The following ZFHX3 variants were observed in gnomAD, a reference collection of about 807,000 sequenced individuals.
The protein encoded by ZFHX3 is zinc finger homeobox 3.
Under a neutral mutation model 279.1 loss-of-function variants are expected in ZFHX3, and 42 were observed. The ratio of observed to expected loss-of-function variants is 0.15; its 90% CI spans 0.12 to 0.19. ZFHX3 has a LOEUF of 0.19. Ranked by LOEUF, ZFHX3 falls within the 10% of genes least tolerant of loss-of-function variation. The pLI, the probability that ZFHX3 is intolerant of heterozygous loss-of-function variation, is 1.00. For missense variants in ZFHX3, 4,981 were observed against 4,754.0 expected (o/e 1.05, Z -1.40); for synonymous variants, 2,293 against 1,957.8 (o/e 1.17, Z -4.52).
intron 1 of ZFHX3, among the ~76,000 whole-genome samples, chr16:73,872,688 A>G (rs916306563): frequency 3.5e-5 from 5 of 141,356 alleles, no homozygotes; most frequent in Non-Finnish European, 6.1e-5. Flanking sequence ...GCTTCCATAA[A>G]CAAGGTTAAT....
At position 73,611,487 on chromosome 16, in the gene ZFHX3, T is replaced by C. The variant is rs186011972; in HGVS notation, c.-1547+68693A>G. On this transcript the variant is annotated intron_variant, in intron 2 of 17. Transcript: ENST00000641206. ...CATCTTTTCCACAGAAAATATAAATTTGCTGGAAAAATATTACATAAAATA... is the reference window on the plus strand; with the variant it reads ...CATCTTTTCCACAGAAAATATAAATCTGCTGGAAAAATATTACATAAAATA... Among the ~76,000 whole-genome samples the C allele has an allele frequency of 2.0e-5, 3 of 152,306 alleles. No homozygotes were observed. The East Asian group carries it at 5.8e-4, about 29-fold the overall frequency.
chr16:73,327,854 T>C (rs2143216747), intron 3 of ZFHX3, among the ~76,000 whole-genome samples: 1 of 152,326 alleles, frequency 6.6e-6, no homozygotes, highest in Non-Finnish European at 1.5e-5. Flanking sequence ...CAGGGGACTC[T>C]GAGGACCTTG....
intron 2 of ZFHX3, among the ~76,000 whole-genome samples, chr16:73,620,147 T>G (rs1332470495): frequency 1.3e-5 from 2 of 152,298 alleles, no homozygotes; most frequent in East Asian, 3.9e-4. Context: ...AAGCTACCTT[T>G]TCAGTCCCAG....
At chr16:72,951,264 C>T (rs1960984528) in intron 2 of ZFHX3, among the ~76,000 whole-genome samples, 1 of 147,644 alleles carries the variant, frequency 6.8e-6, no homozygotes, top group African/African-American at 2.5e-5. Context: ...ATTTCCTTTT[C>T]TTTTTTTTTT....
intron 2 of ZFHX3, among the ~76,000 whole-genome samples, chr16:73,585,512 G>C (rs554368514): frequency 1.3e-5 from 2 of 152,074 alleles, no homozygotes; most frequent in Admixed American, 6.6e-5. Flanking sequence ...TAATACCTTG[G>C]TGATGGGTTG....
rs2035484734 is a variant in ZFHX3, at chr16:72,787,733, C to CGCT, written c.10542_10543insAGC (p.Gly3514_Gly3515insSer). On this transcript the variant is annotated inframe_insertion, in exon 10 of 10. Coordinates refer to ENST00000268489, the MANE Select transcript of ZFHX3 (RefSeq NM_006885.4). Reference sequence around the variant, plus strand: ...CCGCCGCCGCCACCGCCGCCGCCGCCGCCACTGCCACCGCCGCCGCCGCCG... The same window carrying CGCT: ...CCGCCGCCGCCACCGCCGCCGCCGCCGCTGCCACTGCCACCGCCGCCGCCGCCG... 1.4e-6 allele frequency: 2 copies of CGCT among 1,398,754 alleles called. No homozygotes were observed. The highest frequency in any genetic ancestry group is 5.6e-5 in the East Asian group (2 of 35,984). The allele number at this position is 1,398,754 out of a possible 1,614,324, so 86.6% of individuals were successfully genotyped here.
At chr16:73,696,047 A>T (rs547319991) in intron 1 of ZFHX3, among the ~76,000 whole-genome samples, 4 of 152,308 alleles carry the variant, frequency 2.6e-5, no homozygotes, top group African/African-American at 7.2e-5. Context: ...GCTCAAACCC[A>T]CTGGGGACTC....
intron 2 of ZFHX3, among the ~76,000 whole-genome samples, chr16:73,480,034 C>T (rs2018837041): frequency 6.6e-6 from 1 of 152,182 alleles, no homozygotes; most frequent in African/African-American, 2.4e-5. Flanking sequence ...CTCTGAACCT[C>T]ACTACTTTCA....
intron 1 of ZFHX3, among the ~76,000 whole-genome samples, chr16:73,801,061 TAC>T (rs1960132332): frequency 1.3e-5 from 2 of 152,224 alleles, no homozygotes; most frequent in South Asian, 4.1e-4. Flanking sequence ...AAATGAATGC[TAC>T]CACTTAGATT....
intron 5 of ZFHX3, among the ~76,000 whole-genome samples, chr16:73,180,654 G>A (rs955097494): frequency 6.6e-5 from 10 of 151,948 alleles, no homozygotes; most frequent in African/African-American, 2.4e-4. Flanking sequence ...CTTGCTTACT[G>A]TCATTCTGCT....
chr16:72,920,475 T>A (rs2039556216), intron 3 of ZFHX3, among the ~76,000 whole-genome samples: 1 of 150,706 alleles, frequency 6.6e-6, no homozygotes, highest in Admixed American at 6.6e-5. Flanking sequence ...AGGTCAGAAG[T>A]TCGAGACCAG....
At chr16:72,922,312 C>G (rs2039605137) in intron 3 of ZFHX3, among the ~76,000 whole-genome samples, 1 of 152,124 alleles carries the variant, frequency 6.6e-6, no homozygotes, top group African/African-American at 2.4e-5. Context: ...ACCCTCCATC[C>G]TCTCCTAACC....
rs1281668330 is a variant in ZFHX3, at chr16:72,785,360, T to C, written c.*1804A>G. 1 of 152,676 alleles carries C rather than the reference T, an allele frequency of 6.5e-6. No homozygotes were observed. 9.5% of individuals were successfully genotyped at this position (152,676 alleles called of 1,614,324 possible). On this transcript the variant is annotated 3_prime_UTR_variant, in exon 10 of 10. Coordinates refer to ENST00000268489, the MANE Select transcript of ZFHX3 (RefSeq NM_006885.4). ...ATCTGCTGCTTTGTTGGCTGCGCTC[T>C]GGATCACTCGCTGCTCAGACTGCCT... is the stretch of plus-strand genomic sequence containing the variant.
chr16:73,716,635 ACACACACACACACACGCATGCACG>A (rs948957747), intron 1 of ZFHX3, among the ~76,000 whole-genome samples: 42 of 145,176 alleles, frequency 2.9e-4, no homozygotes, highest in African/African-American at 1.1e-3. Context: ...ACACACACAC[ACACACACACACACACGCATGCACG>A]CACGCACAGA....
At chr16:73,587,081 G>A (rs1349744082) in intron 2 of ZFHX3, among the ~76,000 whole-genome samples, 2 of 152,310 alleles carry the variant, frequency 1.3e-5, no homozygotes, top group African/African-American at 4.8e-5. Context: ...GAAAGAAAGA[G>A]TGAAATTTTT....
chr16:73,596,673 T>C (rs2052054073), intron 2 of ZFHX3, among the ~76,000 whole-genome samples: 2 of 152,326 alleles, frequency 1.3e-5, no homozygotes, highest in South Asian at 2.1e-4. Context: ...GCATTTCTCC[T>C]CTATGTTCCC....
At chr16:73,266,911 A>G (rs1727356470) in intron 4 of ZFHX3, among the ~76,000 whole-genome samples, 1 of 152,180 alleles carries the variant, frequency 6.6e-6, no homozygotes. Flanking sequence ...TAAATTATCC[A>G]GTTTTGCGTA....
intron 1 of ZFHX3, among the ~76,000 whole-genome samples, chr16:73,685,671 G>T (rs545051925): frequency 6.6e-6 from 1 of 152,320 alleles, no homozygotes; most frequent in Admixed American, 6.5e-5. Flanking sequence ...ACATAGAGTA[G>T]AAATTTCTTT....
chr16:72,831,948 A>C (rs139798024), intron 4 of ZFHX3, among the ~76,000 whole-genome samples: 1 of 152,316 alleles, frequency 6.6e-6, no homozygotes, highest in Admixed American at 6.5e-5. Flanking sequence ...ACACACAAAA[A>C]ATTTGCAATC....
Sources: gnomAD v4.1 joint callset for allele counts (sites outside exome capture counted in the v4.1 genomes callset) on GRCh38, gnomAD v4.1.1 for gene constraint, MANE v1.5 for transcripts, NCBI Gene and HGNC (gene_info 2026-07-23, HGNC 2026-07-21) for gene names.